Variants in RBFOX1 observed in about 807,000 individuals in gnomAD.
The protein encoded by RBFOX1 is RNA binding protein fox-1 homolog 1.
RBFOX1 carries 8 observed loss-of-function variants against 57.7 expected under a neutral mutation model. That is an observed-to-expected ratio of 0.14 (90% CI 0.08 to 0.25). RBFOX1 has a LOEUF of 0.25. RBFOX1 is among the 10% of genes least tolerant of loss of function. RBFOX1 has a pLI of 1.00. For synonymous variants in RBFOX1, 326 were observed against 222.4 expected (o/e 1.47, Z -4.15); for missense variants, 611 against 548.5 (o/e 1.11, Z -1.14).
chr16:6,872,531 C>A (rs1212751511), intron 3 of RBFOX1, among the ~76,000 whole-genome samples: 1 of 152,110 alleles, frequency 6.6e-6, no homozygotes, highest in South Asian at 2.1e-4. Flanking sequence ...ATTTGAAAGT[C>A]TGGTTCCTGT....
intron 1 of RBFOX1, among the ~76,000 whole-genome samples, chr16:5,452,116 C>CTTTTT (rs148215801): frequency 3.7e-5 from 4 of 108,110 alleles, no homozygotes; most frequent in South Asian, 3.0e-4. Flanking sequence ...CTCTCTCTCT[C>CTTTTT]TTTTTTTTTT....
At chr16:5,527,084 A>G (rs952021976) in intron 2 of RBFOX1, among the ~76,000 whole-genome samples, 2 of 152,096 alleles carry the variant, frequency 1.3e-5, no homozygotes, top group African/African-American at 4.8e-5. Context: ...TAGAAACCCA[A>G]CTCTCACCAG....
chr16:7,182,231 G>A (rs1486380392), intron 4 of RBFOX1, among the ~76,000 whole-genome samples: 1 of 152,104 alleles, frequency 6.6e-6, no homozygotes, highest in Non-Finnish European at 1.5e-5. Flanking sequence ...AGTTGTTACA[G>A]GGTTGCTAGT....
chr16:7,335,624 A>C (rs1409801990), intron 4 of RBFOX1, among the ~76,000 whole-genome samples: 1 of 149,934 alleles, frequency 6.7e-6, no homozygotes, highest in East Asian at 2.0e-4. Flanking sequence ...GTGATTTACC[A>C]GTCATTTGGT....
intron 1 of RBFOX1, among the ~76,000 whole-genome samples, chr16:5,335,601 T>G (rs996371199): frequency 7.2e-5 from 11 of 152,216 alleles, no homozygotes; most frequent in African/African-American, 2.2e-4. Context: ...TCTTCTCCAT[T>G]GCACATGAGC....
chr16:7,418,750 T>C (rs1345001516), intron 4 of RBFOX1, among the ~76,000 whole-genome samples: 4 of 150,732 alleles, frequency 2.7e-5, no homozygotes, highest in Non-Finnish European at 4.4e-5. Flanking sequence ...TATCCTCTTT[T>C]CTCCTCTCTC....
At chr16:6,837,382 G>A (rs1230592334) in intron 3 of RBFOX1, among the ~76,000 whole-genome samples, 1 of 152,196 alleles carries the variant, frequency 6.6e-6, no homozygotes, top group Non-Finnish European at 1.5e-5. Context: ...TCTCCGCAAT[G>A]GTAGTGACTT....
chr16:7,657,114 C>A (rs993138852), intron 12 of RBFOX1, among the ~76,000 whole-genome samples: 1 of 152,236 alleles, frequency 6.6e-6, no homozygotes, highest in Non-Finnish European at 1.5e-5. Flanking sequence ...TACTAAAATA[C>A]CAGTCAAAAA....
chr16:6,644,505 G>T (rs2098517686), intron 2 of RBFOX1, among the ~76,000 whole-genome samples: 1 of 152,178 alleles, frequency 6.6e-6, no homozygotes, highest in Non-Finnish European at 1.5e-5. Flanking sequence ...ACCTTTGACT[G>T]TGTCTCCTCA....
chr16:6,450,799 A>ATT (rs2094584942), intron 2 of RBFOX1, among the ~76,000 whole-genome samples: 1 of 12,536 alleles, frequency 8.0e-5, no homozygotes, highest in Non-Finnish European at 1.2e-4. Flanking sequence ...ACATATATAT[A>ATT]TGTATATATA....
At chr16:7,483,700 T>C (rs141338997) in intron 4 of RBFOX1, among the ~76,000 whole-genome samples, 25 of 152,098 alleles carry the variant, frequency 1.6e-4, no homozygotes, top group Non-Finnish European at 5.9e-5. Context: ...TTTTCCAGAG[T>C]TGGGTATAAG....
At chr16:6,958,069 C>T (rs979919110) in intron 3 of RBFOX1, among the ~76,000 whole-genome samples, 4 of 151,896 alleles carry the variant, frequency 2.6e-5, no homozygotes, top group Admixed American at 1.3e-4. Context: ...TGGAGACTAG[C>T]TCTCATGGAT....
chr16:5,496,961 C>T (rs1205050824), intron 2 of RBFOX1, among the ~76,000 whole-genome samples: 1 of 152,194 alleles, frequency 6.6e-6, no homozygotes, highest in Non-Finnish European at 1.5e-5. Context: ...ATATTTATAT[C>T]TGCAATTATC....
At chr16:6,287,856 A>G (rs990210828) in intron 1 of RBFOX1, among the ~76,000 whole-genome samples, 4 of 152,146 alleles carry the variant, frequency 2.6e-5, no homozygotes, top group African/African-American at 9.7e-5. Context: ...ATCTTTAGGA[A>G]ATACTGGTAG....
At chr16:7,230,429 T>C (rs1300772182) in intron 4 of RBFOX1, among the ~76,000 whole-genome samples, 3 of 152,156 alleles carry the variant, frequency 2.0e-5, no homozygotes, top group Non-Finnish European at 4.4e-5. Context: ...TGCCTGCCTC[T>C]AAATCCCACA....
intron 4 of RBFOX1, among the ~76,000 whole-genome samples, chr16:7,126,837 T>C (rs1600287171): frequency 6.6e-6 from 1 of 151,818 alleles, no homozygotes; most frequent in African/African-American, 2.4e-5. Context: ...TGAAACCTCA[T>C]CTCTACTAAA....
chr16:6,930,374 A>C (rs2076305286), intron 3 of RBFOX1, among the ~76,000 whole-genome samples: 2 of 152,120 alleles, frequency 1.3e-5, no homozygotes, highest in African/African-American at 4.8e-5. Flanking sequence ...AGTCACAATG[A>C]GATACCACCT....
rs139106110 is a variant in RBFOX1 at position 7,050,553 on chromosome 16, A to G, written c.-15-1504A>G. On this transcript the variant is annotated intron_variant, in intron 3 of 15. Transcript: ENST00000550418. ...AGTGCTGGGATTACAGGCATGAGCA[A>G]CCGTGCCTGGCCTTCCTTCATTTTC... 2.9e-3 allele frequency among the ~76,000 whole-genome samples: 440 copies of G among 152,256 alleles called. 1 individual carries two copies. Among genetic ancestry groups the G allele is most frequent in the Middle Eastern group, 0.01 (3 of 294 alleles).
intron 2 of RBFOX1, among the ~76,000 whole-genome samples, chr16:6,413,043 G>C (rs1483176039): frequency 6.6e-6 from 1 of 152,194 alleles, no homozygotes; most frequent in Non-Finnish European, 1.5e-5. Flanking sequence ...TTTTTGGCCA[G>C]GTACAGTGCC....
Sources: allele counts gnomAD v4.1 joint callset (sites outside exome capture counted in the v4.1 genomes callset), GRCh38; gene constraint gnomAD v4.1.1; transcripts MANE v1.5; gene names NCBI Gene and HGNC (gene_info 2026-07-23, HGNC 2026-07-21).